CACNB2: variants seen among roughly 807,000 people sequenced by gnomAD.
The protein encoded by CACNB2 is voltage-dependent L-type calcium channel subunit beta-2.
Under a neutral mutation model 73.3 loss-of-function variants are expected in CACNB2, and 42 were observed. That is an observed-to-expected ratio of 0.57 (90% CI 0.45 to 0.74). The LOEUF (loss-of-function observed/expected upper bound fraction) is 0.74. Ranked by LOEUF, CACNB2 falls within the 30% of genes least tolerant of loss-of-function variation. The probability of loss-of-function intolerance (pLI) is 0.00; values close to 1 mark genes in which losing one functional copy is unlikely to be tolerated. For missense variants in CACNB2, 940 were observed against 853.0 expected (o/e 1.10, Z -1.27); for synonymous variants, 348 against 310.3 (o/e 1.12, Z -1.28).
chr10:18,384,492 A>G (rs2043143030), intron 2 of CACNB2, among the ~76,000 whole-genome samples: 1 of 152,040 alleles, frequency 6.6e-6, no homozygotes, highest in East Asian at 1.9e-4. Flanking sequence ...TTGGGAAGCC[A>G]ATGGGGGTAG....
intron 2 of CACNB2, among the ~76,000 whole-genome samples, chr10:18,257,954 G>A (rs541068442): frequency 6.6e-6 from 1 of 152,246 alleles, no homozygotes; most frequent in African/African-American, 2.4e-5. Context: ...ATGTTGGTCA[G>A]GCTGGTCTCA....
At chr10:18,523,509 A>G (rs2052135414) in intron 9 of CACNB2, among the ~76,000 whole-genome samples, 1 of 152,206 alleles carries the variant, frequency 6.6e-6, no homozygotes, top group African/African-American at 2.4e-5. Context: ...TAACTTTCAT[A>G]TGGTTTAATT....
intron 2 of CACNB2, among the ~76,000 whole-genome samples, chr10:18,303,819 C>A (rs752634331): frequency 2.0e-5 from 3 of 152,068 alleles, no homozygotes; most frequent in Non-Finnish European, 4.4e-5. Context: ...AGTGGGGGAG[C>A]GTTAAACCTG....
intron 1 of CACNB2, among the ~76,000 whole-genome samples, chr10:18,150,633 A>T (rs907954745): frequency 6.6e-6 from 1 of 152,208 alleles, no homozygotes; most frequent in Non-Finnish European, 1.5e-5. Context: ...ATTGCACTCC[A>T]GCCTGGCCAG....
chr10:18,260,620 A>G (rs1346658596), intron 2 of CACNB2: 12 of 987,164 alleles, frequency 1.2e-5, no homozygotes, highest in Non-Finnish European at 1.4e-5. Flanking sequence ...GTCTAGACTC[A>G]GTCATTTTTC....
rs550258909 is a variant in CACNB2, at chr10:18,340,907, G to A, written c.214-61017G>A. ...GAAAATTCCTGCTGGAGTGCTGGGC[G>A]CACTTGGAATTGGTCTAGCATGCTT... On this transcript the variant is annotated intron_variant, in intron 2 of 13. Coordinates refer to ENST00000324631, the MANE Select transcript of CACNB2 (RefSeq NM_201596.3). 1.9e-5 allele frequency: 31 copies of A among 1,614,060 alleles called. No homozygotes were observed. Among genetic ancestry groups the A allele is most frequent in the East Asian group, 6.7e-5 (3 of 44,890 alleles).
At position 18,442,811 on chromosome 10, in the gene CACNB2, G is replaced by A. The variant is rs560578783; in HGVS notation, c.333+40768G>A. ...TTGCACTCCAGCCTGGTGACAGAGC[G>A]AGACTCCACCTTAAAAAAAAAAAAG... On this transcript the variant is annotated intron_variant, in intron 3 of 13. Transcript: ENST00000324631. Among the ~76,000 whole-genome samples the A allele has an allele frequency of 7.7e-4, 112 of 146,312 alleles. 1 individual carries two copies. The highest frequency in any genetic ancestry group is 1.5e-3 in the Non-Finnish European group (97 of 66,574).
At chr10:18,274,654 T>C (rs1440772786) in intron 2 of CACNB2, among the ~76,000 whole-genome samples, 1 of 152,206 alleles carries the variant, frequency 6.6e-6, no homozygotes, top group Non-Finnish European at 1.5e-5. Context: ...TTTAGTCTTA[T>C]GGCTTTAAAA....
chr10:18,396,489 T>A (rs1465935265), intron 2 of CACNB2, among the ~76,000 whole-genome samples: 1 of 152,188 alleles, frequency 6.6e-6, no homozygotes, highest in Non-Finnish European at 1.5e-5. Context: ...GATGATTGAT[T>A]GAGACGGAGT....
chr10:18,426,507 C>T (rs535005506), intron 3 of CACNB2, among the ~76,000 whole-genome samples: 2 of 152,114 alleles, frequency 1.3e-5, no homozygotes, highest in East Asian at 1.9e-4. Context: ...GGTTTTCTAT[C>T]AGACATAGAT....
chr10:18,380,446 G>A (rs184690483), intron 2 of CACNB2, among the ~76,000 whole-genome samples: 1 of 118,804 alleles, frequency 8.4e-6, no homozygotes, highest in Non-Finnish European at 1.8e-5. Context: ...TGAAACATGT[G>A]TTTTTCTTTT....
intron 3 of CACNB2, among the ~76,000 whole-genome samples, chr10:18,410,883 G>A (rs1430585027): frequency 1.3e-5 from 2 of 152,106 alleles, no homozygotes; most frequent in Non-Finnish European, 2.9e-5. Flanking sequence ...TGGAGACTGA[G>A]GCAAGAGAAT....
At chr10:18,364,591 C>A (rs996516040) in intron 2 of CACNB2, among the ~76,000 whole-genome samples, 1 of 152,166 alleles carries the variant, frequency 6.6e-6, no homozygotes, top group Non-Finnish European at 1.5e-5. Context: ...TGAGCCACTT[C>A]GCCCAGCCAA....
chr10:18,539,523 C>A lies in CACNB2; in HGVS notation c.1782C>A (p.Thr594=). The change falls in exon 14 of 14, where the codon ACC becomes ACA. Residue 594 remains threonine (T), a synonymous_variant. Transcript: ENST00000324631. ...SHRDHNHRDE[T]HGSSDHRHRE... is the part of the protein sequence containing the mutation. ...GTGACCACAACCACAGAGACGAGAC[C>A]CACGGGAGCAGTGACCACAGACACA... The A allele has an allele frequency of 6.2e-7, 1 of 1,613,824 alleles. No homozygotes were observed. Among genetic ancestry groups the A allele is most frequent in the Non-Finnish European group, 8.5e-7 (1 of 1,179,954 alleles).
chr10:18,537,228 T>A (rs59368188), intron 12 of CACNB2, among the ~76,000 whole-genome samples: 4,276 of 152,146 alleles, frequency 0.028, 222 homozygotes, highest in South Asian at 0.16. Context: ...CCTCAAGTGA[T>A]CCATCCACCT....
chr10:18,174,984 AT>A (rs1398606412), intron 2 of CACNB2, among the ~76,000 whole-genome samples: 1 of 152,222 alleles, frequency 6.6e-6, no homozygotes, highest in Non-Finnish European at 1.5e-5. Context: ...CATAACAATC[AT>A]TTATAAATAG....
At chr10:18,169,114 G>T (rs979728962) in intron 2 of CACNB2, among the ~76,000 whole-genome samples, 1 of 151,828 alleles carries the variant, frequency 6.6e-6, no homozygotes, top group Non-Finnish European at 1.5e-5. Context: ...AAAGAAAATC[G>T]AGCATGATCA....
At chr10:18,289,529 C>T (rs1368071526) in intron 2 of CACNB2, among the ~76,000 whole-genome samples, 2 of 151,966 alleles carry the variant, frequency 1.3e-5, no homozygotes, top group Non-Finnish European at 2.9e-5. Flanking sequence ...CTCCTGACCT[C>T]GTGATCTGCC....
chr10:18,205,989 TTTTG>T (rs1254010560), intron 2 of CACNB2: 3 of 152,752 alleles, frequency 2.0e-5, no homozygotes, highest in South Asian at 2.1e-4. Context: ...ATGAGAATTT[TTTTG>T]TTTGTTTGTT....
Sources: allele counts gnomAD v4.1 joint callset (sites outside exome capture counted in the v4.1 genomes callset), GRCh38; gene constraint gnomAD v4.1.1; transcripts MANE v1.5; gene names NCBI Gene and HGNC (gene_info 2026-07-23, HGNC 2026-07-21).